The following EIF3L variants were observed in gnomAD, a reference collection of about 807,000 sequenced individuals.
EIF3L encodes eukaryotic translation initiation factor 3 subunit L, also known as eIEF associated protein HSPC021.
EIF3L carries 32 observed loss-of-function variants against 74.6 expected under a neutral mutation model. The ratio of observed to expected loss-of-function variants is 0.43; its 90% CI spans 0.32 to 0.58. EIF3L has a LOEUF of 0.58. Ranked by LOEUF, EIF3L falls within the 20% of genes least tolerant of loss-of-function variation. The pLI, the probability that EIF3L is intolerant of heterozygous loss-of-function variation, is 0.06. For missense variants in EIF3L, 474 were observed against 707.8 expected, an observed-to-expected ratio of 0.67 and a Z score of 3.75; for synonymous variants, 256 against 254.4, an observed-to-expected ratio of 1.01 and a Z score of -0.06.
chr22:37,861,583 C>T (rs1925858933), intron 5 of EIF3L, among the ~76,000 whole-genome samples: 1 of 151,960 alleles, frequency 6.6e-6, no homozygotes, highest in Non-Finnish European at 1.5e-5. Flanking sequence ...ACTCGGGAGG[C>T]TGAGACGGAA....
chr22:37,885,103 G>A (rs920499984), intron 11 of EIF3L: 8 of 151,704 alleles, frequency 5.3e-5, no homozygotes, highest in Admixed American at 4.0e-4. Flanking sequence ...ATTTTTTGTA[G>A]AGATGGGGTT....
intron 8 of EIF3L, among the ~76,000 whole-genome samples, chr22:37,872,316 G>A (rs758628486): frequency 1.5e-4 from 23 of 152,172 alleles, no homozygotes; most frequent in Non-Finnish European, 1.9e-4. Flanking sequence ...GTAGAACAGA[G>A]TTTGACCATG....
chr22:37,877,607 G>T, intron 10 of EIF3L, 67 bp from the exon 11 acceptor site: 2 of 1,523,112 alleles, frequency 1.3e-6, no homozygotes. Flanking sequence ...GGTGAGGCCA[G>T]TTGGCAGTGG....
At chr22:37,859,495 C>T (rs1457493054) in intron 5 of EIF3L, among the ~76,000 whole-genome samples, 1 of 150,314 alleles carries the variant, frequency 6.7e-6, no homozygotes, top group East Asian at 2.0e-4. Context: ...CATTCTCCTG[C>T]CTCAGCCTCC....
chr22:37,874,821 T>C (rs1308290515), intron 9 of EIF3L, among the ~76,000 whole-genome samples: 1 of 151,566 alleles, frequency 6.6e-6, no homozygotes, highest in Non-Finnish European at 1.5e-5. Context: ...CTCCGTCTCC[T>C]GGGTTCAAGC....
rs749029337 is a variant in EIF3L, at chr22:37,850,049, A to G, written c.68A>G (p.Tyr23Cys). Residue 23 changes from tyrosine to cysteine, a missense_variant, in exon 2 of 13, where the codon TAT (tyrosine) becomes TGT (cysteine). Around this residue, in one of 4 missense-constraint regions of EIF3L, gnomAD observed 141 missense variants for 197.7 expected, o/e 0.71. Coordinates refer to ENST00000652021, the MANE Select transcript of EIF3L (RefSeq NM_016091.4). ...AYDPYAYPSD[Y>C]DMHTGDPKQD... ...GACCCCTACGCTTATCCCAGCGACT[A>G]TGATATGCACACAGGTGAGACCACG... The G allele has an allele frequency of 1.4e-5, 23 of 1,613,638 alleles. No individual in the cohort carries two copies. The East Asian group carries it at 1.8e-4, about 13-fold the overall frequency.
At chr22:37,872,242 A>G (rs767382814) in intron 8 of EIF3L, among the ~76,000 whole-genome samples, 1 of 151,382 alleles carries the variant, frequency 6.6e-6, no homozygotes, top group Admixed American at 6.6e-5. Context: ...CTCAGCCTCC[A>G]GGGATATAGA....
At position 37,875,957 on chromosome 22, in the gene EIF3L, C is replaced by G; in HGVS notation, c.1023C>G (p.Leu341=). 2 of 1,614,154 alleles carry G rather than the reference C, an allele frequency of 1.2e-6. No individual in the cohort carries two copies. Among genetic ancestry groups the G allele is most frequent in the Non-Finnish European group, 8.5e-7 (1 of 1,180,032 alleles). Residue 341 remains leucine, a synonymous_variant, in exon 10 of 13, where the codon CTC becomes CTG. Transcript: ENST00000652021. ...DAIRVFANIL[L]YIQRTKSMFQ... is the part of the protein sequence containing the mutation. ...TCCGGGTCTTCGCCAACATCCTCCT[C>G]TACATCCAGAGGACCAAGAGCATGT...
Position 37,888,533 on chromosome 22 carries a change from A to T in EIF3L, c.*69A>T, listed in dbSNP as rs938519672. 9.2e-6 allele frequency: 14 copies of T among 1,516,548 alleles called. No homozygotes were observed. The Admixed American group carries it at 2.4e-4, about 26-fold the overall frequency. 93.9% of individuals were successfully genotyped at this position (1,516,548 alleles called of 1,614,324 possible). A position where few individuals can be genotyped will look rare whatever the true frequency, so the allele number is the denominator to read the frequency against. ...GCAGGAAGTGTTTTTGCTACCGTGA[A>T]ACCTTTACCTAGATCAGCCATCAGC... On this transcript the variant is annotated 3_prime_UTR_variant, in exon 13 of 13. Transcript: ENST00000652021.
chr22:37,878,201 G>A (rs183719935), intron 11 of EIF3L, 30 bp downstream of exon 11: 5 of 1,557,762 alleles, frequency 3.2e-6, no homozygotes, highest in East Asian at 4.5e-5. Flanking sequence ...TTGGGGTCTT[G>A]TATTAAGTGT....
At chr22:37,870,455 G>A (rs944913654) in intron 8 of EIF3L, 108 bp downstream of exon 8, 80 of 1,139,118 alleles carry the variant, frequency 7.0e-5, no homozygotes, top group Non-Finnish European at 9.6e-5. Flanking sequence ...CCATGTCTTA[G>A]GTGGTGGTCT....
intron 10 of EIF3L, 172 bp downstream of exon 10, chr22:37,876,183 G>A (rs1055408284): frequency 2.3e-5 from 15 of 639,600 alleles, no homozygotes; most frequent in Admixed American, 1.3e-4. Context: ...CAGCTGGAGT[G>A]CAGTGACGCA....
At position 37,862,971 on chromosome 22, in the gene EIF3L, G is replaced by A; in HGVS notation, c.438G>A (p.Gly146=). The stretch of plus-strand genomic sequence containing the variant: ...GATATCTCTTGTTTTCTTTACAGGG[G>A]GGACCTTCCTTGGAGCAGAGGTTTG... The part of the protein sequence containing the change: ...YYRHIYAKVS[G]GPSLEQRFES... The change falls in exon 6 of 13, where the codon GGG becomes GGA. Residue 146 remains glycine (G), a splice_region_variant and synonymous_variant. Transcript: ENST00000652021. The A allele has an allele frequency of 6.2e-7, 1 of 1,609,594 alleles. No homozygotes were observed. The highest frequency in any genetic ancestry group is 2.2e-5 in the East Asian group (1 of 44,786).
In EIF3L at chr22:37,874,477, T is replaced by C; in HGVS notation, c.859T>C (p.Tyr287His). Residue 287 changes from tyrosine (Y) to histidine (H), a missense_variant, in exon 9 of 13, where the codon TAC becomes CAC. Physicochemically the swap from Tyr to His is moderately conservative, Grantham distance 83. Transcript: ENST00000652021. Reference sequence around the variant, plus strand: ...CCGCCTGCACTCCCTGTTAGGAGATTACTACCAGGCCATCAAGGTGCTGGA... The same window carrying C: ...CCGCCTGCACTCCCTGTTAGGAGATCACTACCAGGCCATCAAGGTGCTGGA... ...LLRLHSLLGDYYQAIKVLENI... is the reference protein window; with the variant it reads ...LLRLHSLLGDHYQAIKVLENI... 6.2e-7 allele frequency: 1 copy of C among 1,614,172 alleles called. No individual in the cohort carries two copies.
chr22:37,884,097 C>G (rs912020412), intron 11 of EIF3L: 1 of 152,194 alleles, frequency 6.6e-6, no homozygotes, highest in African/African-American at 2.4e-5. Context: ...CATCCCCTAG[C>G]AAACCCCTAA....
At chr22:37,855,853 T>C (rs1925474523) in intron 4 of EIF3L, among the ~76,000 whole-genome samples, 2 of 152,120 alleles carry the variant, frequency 1.3e-5, no homozygotes, top group South Asian at 2.1e-4. Context: ...GAAATTTAGA[T>C]CTTTGTACTG....
At chr22:37,874,219 T>A in intron 8 of EIF3L, 151 bp from the exon 9 acceptor site, 1 of 736,696 alleles carries the variant, frequency 1.4e-6, no homozygotes, top group Non-Finnish European at 2.2e-6. Context: ...TTTTGCTGTT[T>A]CTTGGTATTC....
At chr22:37,863,794 G>C (rs561925907) in intron 7 of EIF3L, among the ~76,000 whole-genome samples, 1 of 151,936 alleles carries the variant, frequency 6.6e-6, no homozygotes, top group Admixed American at 6.6e-5. Context: ...GGCCGGGCGC[G>C]GTGACTCACG....
chr22:37,887,057 T>G (rs1311053103), intron 12 of EIF3L: 7 of 373,938 alleles, frequency 1.9e-5, no homozygotes, highest in Non-Finnish European at 3.7e-5. Flanking sequence ...GCCTCCCGCA[T>G]AGCTGGAATT....
Sources: allele counts gnomAD v4.1 joint callset (sites outside exome capture counted in the v4.1 genomes callset), GRCh38; gene constraint gnomAD v4.1.1; regional missense constraint gnomAD v4.1.1; transcripts MANE v1.5; gene names NCBI Gene and HGNC (gene_info 2026-07-23, HGNC 2026-07-21).